The following OSBPL1A variants were observed in gnomAD, a reference collection of about 807,000 sequenced individuals.
The protein encoded by OSBPL1A is oxysterol-binding protein-related protein 1.
In OSBPL1A, 80 loss-of-function variants were observed where a neutral mutation model predicts 137.1. The observed-to-expected ratio is 0.58, with a 90% confidence interval of 0.49 to 0.70. The LOEUF (loss-of-function observed/expected upper bound fraction) is 0.70. Ranked by LOEUF, OSBPL1A falls within the 30% of genes least tolerant of loss-of-function variation. The pLI is 0.00. For missense variants in OSBPL1A, 970 were observed against 1,129.4 expected (o/e 0.86, Z 2.02); for synonymous variants, 365 against 389.7 (o/e 0.94, Z 0.75).
At chr18:24,248,598 G>A (rs181652605) in intron 15 of OSBPL1A, among the ~76,000 whole-genome samples, 76 of 152,296 alleles carry the variant, frequency 5.0e-4, no homozygotes, top group African/African-American at 1.8e-3. Flanking sequence ...AAAATAGAAT[G>A]GCCTCAATGA....
chr18:24,321,789 C>G, intron 7 of OSBPL1A: 1 of 456,072 alleles, frequency 2.2e-6, no homozygotes. Flanking sequence ...GGCATGATAT[C>G]TGGAATTGTT....
At chr18:24,337,663 C>T (rs567584686) in intron 5 of OSBPL1A, among the ~76,000 whole-genome samples, 1 of 150,914 alleles carries the variant, frequency 6.6e-6, no homozygotes, top group South Asian at 2.1e-4. Context: ...CAATTAAATG[C>T]AATGTGGGAT....
intron 17 of OSBPL1A, among the ~76,000 whole-genome samples, chr18:24,217,600 A>T (rs1311833667): frequency 6.6e-6 from 1 of 152,150 alleles, no homozygotes; most frequent in Non-Finnish European, 1.5e-5. Context: ...ATGTAGAAGG[A>T]GTGACAGAAT....
At chr18:24,391,217 G>A (rs1313258459) in intron 1 of OSBPL1A, among the ~76,000 whole-genome samples, 1 of 152,190 alleles carries the variant, frequency 6.6e-6, no homozygotes, top group Admixed American at 6.5e-5. Flanking sequence ...ATTCCACTTA[G>A]ATGAGACAGC....
intron 17 of OSBPL1A, among the ~76,000 whole-genome samples, chr18:24,220,399 T>C (rs1164326819): frequency 1.3e-5 from 2 of 152,218 alleles, no homozygotes; most frequent in Non-Finnish European, 2.9e-5. Context: ...GTGCTTCTAG[T>C]GATGCTACTC....
chr18:24,300,220 G>A (rs573911019), intron 14 of OSBPL1A, among the ~76,000 whole-genome samples: 5 of 152,248 alleles, frequency 3.3e-5, no homozygotes, highest in African/African-American at 1.2e-4. Context: ...GAAAATAAAA[G>A]GTATATTTCA....
At chr18:24,307,088 T>C (rs1347504839) in intron 13 of OSBPL1A, among the ~76,000 whole-genome samples, 1 of 103,358 alleles carries the variant, frequency 9.7e-6, no homozygotes. Context: ...AGACCTAATC[T>C]CTACAAAAAA....
rs753332466 is a variant in OSBPL1A at position 24,303,635 on chromosome 18, A to G, written c.1174+2T>C. ...TTGTAGGGATAGTGCTTGTCTTTTT[A>G]CCTTTAGCCATGTCACACTCCTTAA... On this transcript the variant is annotated splice_donor_variant, in intron 14 of 27. Coordinates refer to ENST00000319481, the MANE Select transcript of OSBPL1A (RefSeq NM_080597.4). LOFTEE classifies it high-confidence loss of function. The G allele has an allele frequency of 1.9e-6, 3 of 1,609,990 alleles. No individual in the cohort carries two copies. In the East Asian group the frequency reaches 6.7e-5, roughly 36 times the overall value.
intron 1 of OSBPL1A, among the ~76,000 whole-genome samples, chr18:24,382,783 G>A (rs1251270393): frequency 6.6e-6 from 1 of 152,032 alleles, no homozygotes; most frequent in Non-Finnish European, 1.5e-5. Flanking sequence ...GGCTGAGGTG[G>A]AAGGATCACC....
intron 2 of OSBPL1A, among the ~76,000 whole-genome samples, chr18:24,370,034 C>T (rs1251744505): frequency 6.6e-6 from 1 of 152,132 alleles, no homozygotes; most frequent in Non-Finnish European, 1.5e-5. Context: ...CCAGACTGGG[C>T]AACATAGAGA....
In OSBPL1A at chr18:24,196,135, C is replaced by G; in HGVS notation, c.1667G>C (p.Cys556Ser). 1 of 1,609,424 alleles carries G rather than the reference C, an allele frequency of 6.2e-7. No homozygotes were observed. Among genetic ancestry groups the G allele is most frequent in the Non-Finnish European group, 8.5e-7 (1 of 1,177,254 alleles). The change falls in exon 18 of 28, where the codon TGT (cysteine) becomes TCT (serine). Residue 556 changes from cysteine to serine, a missense_variant. This residue lies in a region of OSBPL1A where 647 missense variants were observed against 672.6 expected (regional missense o/e 0.96). Coordinates refer to ENST00000319481, the MANE Select transcript of OSBPL1A (RefSeq NM_080597.4). ...DFSIWSILRK[C>S]IGMELSKITM... ...AAACCATTAATTTACCATTCCAATA[C>G]ATTTTCTGAGGATGCTCCAGATACT... is the stretch of plus-strand genomic sequence containing the variant.
At chr18:24,253,162 C>CA (rs1285997307) in intron 15 of OSBPL1A, among the ~76,000 whole-genome samples, 2 of 32,870 alleles carry the variant, frequency 6.1e-5, no homozygotes, top group East Asian at 7.5e-4. Flanking sequence ...AATGAAAAGA[C>CA]ATGGCGGGGG....
Position 24,384,160 on chromosome 18 carries a change from A to G in OSBPL1A, c.-2-6625T>C, listed in dbSNP as rs940863271. 3.9e-5 allele frequency among the ~76,000 whole-genome samples: 6 copies of G among 152,386 alleles called. No individual in the cohort carries two copies. In the South Asian group the frequency reaches 6.2e-4, roughly 16 times the overall value. On this transcript the variant is annotated intron_variant, in intron 1 of 27. Coordinates refer to ENST00000319481, the MANE Select transcript of OSBPL1A (RefSeq NM_080597.4). ...ACAAAATTCCTTGGACACCAGATAC[A>G]TAACAGGGAGATTAACCAATATATG...
At chr18:24,282,000 G>A (rs889362517) in intron 14 of OSBPL1A, among the ~76,000 whole-genome samples, 2 of 152,194 alleles carry the variant, frequency 1.3e-5, no homozygotes, top group South Asian at 2.1e-4. Flanking sequence ...TTTAGGTTGC[G>A]GGCTCCTTAT....
At chr18:24,233,071 A>C (rs2088331903) in intron 16 of OSBPL1A, among the ~76,000 whole-genome samples, 1 of 152,220 alleles carries the variant, frequency 6.6e-6, no homozygotes, top group Admixed American at 6.5e-5. Flanking sequence ...ATGAACACAC[A>C]GTAAGAAAAG....
At chr18:24,361,936 G>A (rs1437060111) in intron 4 of OSBPL1A, among the ~76,000 whole-genome samples, 1 of 148,624 alleles carries the variant, frequency 6.7e-6, no homozygotes, top group Non-Finnish European at 1.5e-5. Context: ...GGCGGAGATT[G>A]CAGTGAAGTG....
At chr18:24,207,731 CTCTCT>C (rs1439280038) in intron 17 of OSBPL1A, among the ~76,000 whole-genome samples, 1 of 152,114 alleles carries the variant, frequency 6.6e-6, no homozygotes, top group Non-Finnish European at 1.5e-5. Context: ...TACTTATCAC[CTCTCT>C]TCTCAACTAT....
chr18:24,280,780 T>C (rs1418411623), intron 15 of OSBPL1A, 62 bp downstream of exon 15: 2 of 1,167,042 alleles, frequency 1.7e-6, no homozygotes, highest in African/African-American at 1.6e-5. Context: ...AATGACTTCA[T>C]GGACAACCAC....
rs1293205494 is a variant in OSBPL1A, at chr18:24,172,586, G to A, written c.2094-103C>T. The A allele has an allele frequency of 3.3e-5, 25 of 753,018 alleles. No individual in the cohort carries two copies. The Admixed American group carries it at 5.6e-4, about 17-fold the overall frequency. 46.6% of individuals were successfully genotyped at this position (753,018 alleles called of 1,614,324 possible). ...ATTACTCAGAATAACAAACCAGGCT[G>A]CTTGAGATAACTACGTTCTAAGCCT... On this transcript the variant is annotated intron_variant, in intron 21 of 27. Coordinates refer to ENST00000319481, the MANE Select transcript of OSBPL1A (RefSeq NM_080597.4).
Sources: gnomAD v4.1 joint callset for allele counts (sites outside exome capture counted in the v4.1 genomes callset) on GRCh38, gnomAD v4.1.1 for gene constraint, gnomAD v4.1.1 regional missense constraint, MANE v1.5 for transcripts, NCBI Gene and HGNC (gene_info 2026-07-23, HGNC 2026-07-21) for gene names.